Variants in ANKIB1 observed in about 807,000 individuals in gnomAD.
ANKIB1 encodes ankyrin repeat and IBR domain containing 1.
In ANKIB1, 43 loss-of-function variants were observed where a neutral mutation model predicts 122.1. The observed-to-expected ratio is 0.35, with a 90% confidence interval of 0.28 to 0.45. The LOEUF (loss-of-function observed/expected upper bound fraction) is 0.45. ANKIB1 is among the 20% of genes least tolerant of loss of function. The pLI is 1.00. For missense variants in ANKIB1, 992 were observed against 1,329.5 expected, an observed-to-expected ratio of 0.75 and a Z score of 3.95; for synonymous variants, 390 against 442.0, an observed-to-expected ratio of 0.88 and a Z score of 1.48.
intron 14 of ANKIB1, 51 bp from the exon 15 acceptor site, chr7:92,389,920 T>C: frequency 6.5e-7 from 1 of 1,540,508 alleles, no homozygotes; most frequent in East Asian, 2.3e-5. Context: ...ATTAATATTA[T>C]AAATGGCATA....
At chr7:92,277,881 C>T (rs766492510) in intron 1 of ANKIB1, among the ~76,000 whole-genome samples, 10 of 152,078 alleles carry the variant, frequency 6.6e-5, no homozygotes, top group Non-Finnish European at 1.3e-4. Context: ...GTCAGGAGTT[C>T]GAGGCCAACC....
intron 1 of ANKIB1, among the ~76,000 whole-genome samples, chr7:92,270,741 T>G (rs1018623801): frequency 1.4e-5 from 2 of 147,844 alleles, no homozygotes; most frequent in South Asian, 2.2e-4. Flanking sequence ...TTTTTTTTTT[T>G]TTTTTTTTTT....
In ANKIB1 at chr7:92,381,263, A is replaced by C. The variant is rs564733393; in HGVS notation, c.1618-5246A>C. Among the ~76,000 whole-genome samples the C allele has an allele frequency of 4.6e-5, 7 of 152,288 alleles. No homozygotes were observed. In the South Asian group the frequency reaches 1.5e-3, roughly 32 times the overall value. ...GTGTGAAAACACCAAATATACGTAC[A>C]ATTGGTGTACCTGAAAGTGACGGGG... On this transcript the variant is annotated intron_variant, in intron 11 of 19. Transcript: ENST00000265742.
At chr7:92,309,628 C>T (rs533486068) in intron 3 of ANKIB1, among the ~76,000 whole-genome samples, 13 of 151,882 alleles carry the variant, frequency 8.6e-5, no homozygotes, top group African/African-American at 3.1e-4. Context: ...CAATAGTGCT[C>T]TTAAATATTT....
At chr7:92,286,202 A>G (rs2131908175) in intron 1 of ANKIB1, among the ~76,000 whole-genome samples, 1 of 152,280 alleles carries the variant, frequency 6.6e-6, no homozygotes, top group East Asian at 1.9e-4. Flanking sequence ...GAAGGTATGC[A>G]TATTGAACCT....
chr7:92,385,373 A>G (rs1354758601), intron 11 of ANKIB1, among the ~76,000 whole-genome samples: 2 of 152,240 alleles, frequency 1.3e-5, no homozygotes, highest in African/African-American at 4.8e-5. Context: ...CAGCGATCCC[A>G]TTACTGGGTA....
At chr7:92,395,135 ATTCTC>A (rs1562802110) in intron 17 of ANKIB1, among the ~76,000 whole-genome samples, 2 of 151,798 alleles carry the variant, frequency 1.3e-5, no homozygotes, top group South Asian at 2.1e-4. Context: ...CTTCTCTTTT[ATTCTC>A]TTCTCTTCTG....
rs576824000 is a variant in ANKIB1 at position 92,291,727 on chromosome 7, C to T, written c.-90-3162C>T. Among the ~76,000 whole-genome samples, 3 of 152,042 alleles carry T rather than the reference C, an allele frequency of 2.0e-5. No homozygotes were observed. The South Asian group carries it at 6.2e-4, about 32-fold the overall frequency. ...GATTAGCTGGTATTACAGGCACCCG[C>T]CACCACGCCCGGCTAATTTTTTGTA... On this transcript the variant is annotated intron_variant, in intron 1 of 19. Coordinates refer to ENST00000265742, the MANE Select transcript of ANKIB1 (RefSeq NM_019004.2).
intron 4 of ANKIB1, among the ~76,000 whole-genome samples, chr7:92,320,302 G>C (rs532813329): frequency 6.6e-6 from 1 of 152,144 alleles, no homozygotes; most frequent in Non-Finnish European, 1.5e-5. Flanking sequence ...GCCCACTGCA[G>C]TATGACTTTC....
chr7:92,328,003 T>C, intron 5 of ANKIB1, 103 bp downstream of exon 5: 1 of 738,574 alleles, frequency 1.4e-6, no homozygotes, highest in Non-Finnish European at 2.2e-6. Context: ...AACAAAATGG[T>C]TTGTTAAAAA....
At position 92,398,351 on chromosome 7, in the gene ANKIB1, C is replaced by T. The variant is rs1228243788; in HGVS notation, c.2672C>T (p.Ser891Phe). ...GCATCCTTAGGTGCGATAGGCACTT[C>T]TTTACCTTCCAGGCTGGACTCTGTC... ...NEASLGAIGT[S>F]LPSRLDSVPR... The change falls in exon 20 of 20, where the codon TCT (serine) becomes TTT (phenylalanine). Residue 891 changes from serine (S) to phenylalanine (F), a missense_variant. By Grantham distance (155) the Ser-to-Phe change is radical (BLOSUM62 -2). Transcript: ENST00000265742. 1.9e-6 allele frequency: 3 copies of T among 1,613,330 alleles called. No individual in the cohort carries two copies. The highest frequency in any genetic ancestry group is 1.7e-6 in the Non-Finnish European group (2 of 1,179,668).
In ANKIB1 at chr7:92,391,214, C is replaced by A. The variant is rs746389506; in HGVS notation, c.2101C>A (p.Pro701Thr). ...AGACCTTGCCCAGAAAGTCAATAGG[C>A]CTTACCTTCGCACACCCCGCCACAA... is the stretch of plus-strand genomic sequence containing the variant. Reference protein sequence around the residue: ...TEDLAQKVNRPYLRTPRHKII... With the variant: ...TEDLAQKVNRTYLRTPRHKII... Residue 701 changes from proline to threonine, a missense_variant, in exon 16 of 20, where the codon CCT becomes ACT. This residue lies in a region of ANKIB1 where 521 missense variants were observed against 777.7 expected (regional missense o/e 0.67). Coordinates refer to ENST00000265742, the MANE Select transcript of ANKIB1 (RefSeq NM_019004.2). The A allele has an allele frequency of 6.2e-7, 1 of 1,613,240 alleles. No individual in the cohort carries two copies. Among genetic ancestry groups the A allele is most frequent in the Admixed American group, 1.7e-5 (1 of 59,966 alleles).
intron 4 of ANKIB1, among the ~76,000 whole-genome samples, chr7:92,320,255 T>C (rs1188936592): frequency 6.6e-6 from 1 of 152,218 alleles, no homozygotes; most frequent in Non-Finnish European, 1.5e-5. Flanking sequence ...CATCTTCTTA[T>C]GAGAGAACCA....
rs140457592 is a variant in ANKIB1, at chr7:92,258,999, G to T, written c.-91+12480G>T. Among the ~76,000 whole-genome samples the T allele has an allele frequency of 2.6e-3, 397 of 152,164 alleles. 2 individuals carry two copies. Among genetic ancestry groups the T allele is most frequent in the African/African-American group, 9.0e-3 (375 of 41,494 alleles). The stretch of plus-strand genomic sequence containing the variant: ...GACAGAGTCTCGTTTTATTACCCAG[G>T]TTGGAGTACAGTGGCGCGATCTTGG... On this transcript the variant is annotated intron_variant, in intron 1 of 19. Transcript: ENST00000265742.
At chr7:92,380,802 G>T (rs1214811911) in intron 11 of ANKIB1, among the ~76,000 whole-genome samples, 12 of 152,174 alleles carry the variant, frequency 7.9e-5, no homozygotes, top group Admixed American at 7.9e-4. Flanking sequence ...ATGGGGAGAA[G>T]CCAGAGCAAA....
intron 1 of ANKIB1, among the ~76,000 whole-genome samples, chr7:92,287,756 C>A (rs1238831314): frequency 1.3e-5 from 2 of 151,954 alleles, no homozygotes; most frequent in East Asian, 3.9e-4. Context: ...AAAAAAAAGG[C>A]CAGGCGTGGT....
chr7:92,254,437 C>T (rs998857734), intron 1 of ANKIB1, among the ~76,000 whole-genome samples: 1 of 152,114 alleles, frequency 6.6e-6, no homozygotes, highest in Non-Finnish European at 1.5e-5. Flanking sequence ...AATATTGACA[C>T]AATTCTAATT....
At position 92,319,494 on chromosome 7, in the gene ANKIB1, T is replaced by C; in HGVS notation, c.651T>C (p.Ala217=). 2 of 1,605,900 alleles carry C rather than the reference T, an allele frequency of 1.2e-6. No individual in the cohort carries two copies. The highest frequency in any genetic ancestry group is 1.7e-6 in the Non-Finnish European group (2 of 1,178,110). Residue 217 remains alanine (A), a synonymous_variant, in exon 4 of 20, where the codon GCT becomes GCC. Transcript: ENST00000265742. ...CTGAAGAAATAGAAGCTGAATATGCTGCATTAGACAAACGAGAGGTCAGTT... is the reference window on the plus strand; with the variant it reads ...CTGAAGAAATAGAAGCTGAATATGCCGCATTAGACAAACGAGAGGTCAGTT... ...PEAEEIEAEY[A]ALDKREPYEG...
intron 5 of ANKIB1, among the ~76,000 whole-genome samples, chr7:92,338,393 T>G (rs914794902): frequency 6.6e-6 from 1 of 151,702 alleles, no homozygotes; most frequent in East Asian, 1.9e-4. Context: ...CACTCTAGGC[T>G]GGGTGACAGA....
Sources: gnomAD v4.1 joint callset for allele counts (sites outside exome capture counted in the v4.1 genomes callset) on GRCh38, gnomAD v4.1.1 for gene constraint, gnomAD v4.1.1 regional missense constraint, MANE v1.5 for transcripts, NCBI Gene and HGNC (gene_info 2026-07-23, HGNC 2026-07-21) for gene names.